Variants in SLC8B1 observed in about 807,000 individuals in gnomAD.
SLC8B1 encodes the protein solute carrier family 8 member B1.
A neutral mutation model predicts 63.4 loss-of-function variants in SLC8B1; 52 were observed. The observed-to-expected ratio is 0.82, with a 90% CI of 0.66 to 1.03. The LOEUF (loss-of-function observed/expected upper bound fraction) is 1.03. SLC8B1 is among the 50% of genes least tolerant of loss of function. The pLI is 0.00. For synonymous variants in SLC8B1, 336 were observed against 323.9 expected (o/e 1.04, Z -0.40); for missense variants, 657 against 741.7 (o/e 0.89, Z 1.33).
chr12:113,320,642 G>A lies in SLC8B1; in HGVS notation c.465C>T (p.Phe155=), dbSNP rs765633623. 6.2e-7 allele frequency: 1 copy of A among 1,614,086 alleles called. No individual in the cohort carries two copies. The highest frequency in any genetic ancestry group is 1.1e-5 in the South Asian group (1 of 91,088). ...GGTCAGAGAAGGCCACCAGGGCACT[G>A]AAGATGTCAGGTGCACCATTCCCAA... ...LAFGNGAPDI[F]SALVAFSDPH... Residue 155 remains phenylalanine (F), a synonymous_variant, in exon 6 of 16, where the codon TTC becomes TTT. Transcript: ENST00000680972. This position sits in a 1 kb window ranked among gnomAD's most constrained non-coding sequence, Gnocchi z 5.3.
chr12:113,322,218 C>T (rs1271770702), intron 2 of SLC8B1, among the ~76,000 whole-genome samples: 5 of 152,098 alleles, frequency 3.3e-5, no homozygotes, highest in African/African-American at 1.2e-4. Context: ...CTCTGCACAA[C>T]AGTCTGCGAG....
chr12:113,327,100 C>G (rs1593259919), intron 2 of SLC8B1, among the ~76,000 whole-genome samples: 1 of 152,042 alleles, frequency 6.6e-6, no homozygotes, highest in East Asian at 1.9e-4. Context: ...TGCTGGGGCC[C>G]AGGAATTTCC....
intron 1 of SLC8B1, among the ~76,000 whole-genome samples, chr12:113,333,762 G>A (rs1957090162): frequency 6.6e-6 from 1 of 152,148 alleles, no homozygotes; most frequent in Non-Finnish European, 1.5e-5. Flanking sequence ...AAGCTGGAGT[G>A]CAGTGGCGCG....
At chr12:113,322,115 C>G (rs769341129) in intron 2 of SLC8B1, among the ~76,000 whole-genome samples, 1 of 151,948 alleles carries the variant, frequency 6.6e-6, no homozygotes, top group Non-Finnish European at 1.5e-5. Context: ...GGAGGATCAC[C>G]TGAGCCCAGG....
intron 15 of SLC8B1, among the ~76,000 whole-genome samples, 153 bp downstream of exon 15, chr12:113,304,168 C>A (rs149965832): frequency 1.3e-5 from 2 of 152,172 alleles, no homozygotes; most frequent in Non-Finnish European, 2.9e-5. Flanking sequence ...GCATGAGCTA[C>A]CACACCCGGC....
chr12:113,326,599 C>T (rs1404368683), intron 2 of SLC8B1, among the ~76,000 whole-genome samples: 7 of 151,454 alleles, frequency 4.6e-5, no homozygotes, highest in African/African-American at 1.7e-4. Flanking sequence ...AACTCCTGGC[C>T]TCAAGTGATC....
At chr12:113,303,425 G>A (rs1200200884) in intron 15 of SLC8B1, among the ~76,000 whole-genome samples, 1 of 152,092 alleles carries the variant, frequency 6.6e-6, no homozygotes. Context: ...GGAGAAACGG[G>A]TGACTTTATT....
rs1957075045 is a variant in SLC8B1, at chr12:113,332,857, G to A, written c.22C>T (p.Leu8=). 3 of 1,613,970 alleles carry A rather than the reference G, an allele frequency of 1.9e-6. No homozygotes were observed. Among genetic ancestry groups the A allele is most frequent in the African/African-American group, 1.3e-5 (1 of 74,954 alleles). ...CAAAGCACACTCAGTGCCCAGCGCA[G>A]ATTCAGCCTTCTGCCGGCCATCTGC... MAGRRLN[L]RWALSVLCVL... Residue 8 remains leucine (L), a synonymous_variant, in exon 2 of 16, where the codon CTG becomes TTG. Coordinates refer to ENST00000680972, the MANE Select transcript of SLC8B1 (RefSeq NM_001358345.2).
chr12:113,324,475 C>T (rs1027136540), intron 2 of SLC8B1, among the ~76,000 whole-genome samples: 6 of 144,730 alleles, frequency 4.1e-5, no homozygotes, highest in African/African-American at 1.0e-4. Context: ...AGCACAATCT[C>T]GGCTCACTGA....
At position 113,307,817 on chromosome 12, in the gene SLC8B1, T is replaced by TG. The variant is rs1566226901; in HGVS notation, c.1284dup (p.Ser429GlnfsTer147). ...GCGGCCGCGTTGATCCACAGGGCGCTGGTCAGAAAGCCCAGGAAAGCAAAG... is the reference window on the plus strand; with the variant it reads ...GCGGCCGCGTTGATCCACAGGGCGCTGGGTCAGAAAGCCCAGGAAAGCAAAG... On this transcript the variant is annotated frameshift_variant, in exon 13 of 16. Coordinates refer to ENST00000680972, the MANE Select transcript of SLC8B1 (RefSeq NM_001358345.2). LOFTEE classifies it high-confidence loss of function. 1 of 1,613,294 alleles carries TG rather than the reference T, an allele frequency of 6.2e-7. No individual in the cohort carries two copies. Among genetic ancestry groups the TG allele is most frequent in the Non-Finnish European group, 8.5e-7 (1 of 1,180,010 alleles).
intron 12 of SLC8B1, among the ~76,000 whole-genome samples, 178 bp downstream of exon 12, chr12:113,310,056 A>G (rs1192694009): frequency 6.6e-6 from 1 of 152,174 alleles, no homozygotes. Context: ...CAAAAAAAAA[A>G]AGAAAAAAAC....
chr12:113,318,390 ATGTATTTG>A lies in SLC8B1; in HGVS notation c.802+566_802+573del, dbSNP rs531796817. Among the ~76,000 whole-genome samples the A allele has an allele frequency of 1.4e-3, 208 of 150,570 alleles. 2 individuals are homozygous for A. Among genetic ancestry groups the A allele is most frequent in the African/African-American group, 4.8e-3 (195 of 40,910 alleles). ...TGTTGTGTGTGTTGTATATGTGTGC[ATGTATTTG>A]TGTGTGTGCATATATTTGTATGTGT... On this transcript the variant is annotated intron_variant, in intron 8 of 15. Coordinates refer to ENST00000680972, the MANE Select transcript of SLC8B1 (RefSeq NM_001358345.2).
chr12:113,325,314 G>A (rs1035782709), intron 2 of SLC8B1, among the ~76,000 whole-genome samples: 3 of 152,096 alleles, frequency 2.0e-5, no homozygotes, highest in African/African-American at 7.2e-5. Flanking sequence ...AGTGCAGTGG[G>A]GCAATCATGG....
At chr12:113,309,841 G>A (rs1051984341) in intron 12 of SLC8B1, among the ~76,000 whole-genome samples, 8 of 152,040 alleles carry the variant, frequency 5.3e-5, no homozygotes, top group African/African-American at 7.2e-5. Context: ...GAGTAGAGTC[G>A]TGGTTGCCAG....
Position 113,321,122 on chromosome 12 carries a change from G to A in SLC8B1, c.310-14C>T, listed in dbSNP as rs760685880. The A allele has an allele frequency of 3.2e-5, 52 of 1,613,824 alleles. No individual in the cohort carries two copies. The highest frequency in any genetic ancestry group is 1.5e-4 in the Admixed American group (9 of 59,980). On this transcript the variant is annotated splice_polypyrimidine_tract_variant and intron_variant, in intron 3 of 15. Transcript: ENST00000680972. ...CAGCCAGGAAACCTGGGTGGGGAGCGGGCGAGGAAGGGAGAGTCAAGTCCA... is the reference window on the plus strand; with the variant it reads ...CAGCCAGGAAACCTGGGTGGGGAGCAGGCGAGGAAGGGAGAGTCAAGTCCA...
chr12:113,321,031 G>A, intron 4 of SLC8B1, 25 bp downstream of exon 4: 1 of 1,606,922 alleles, frequency 6.2e-7, no homozygotes, highest in Non-Finnish European at 8.5e-7. Context: ...TGATAAGCCA[G>A]ACCGGAGCCC....
At chr12:113,333,282 G>C (rs1215711190) in intron 1 of SLC8B1, among the ~76,000 whole-genome samples, 1 of 151,984 alleles carries the variant, frequency 6.6e-6, no homozygotes, top group Admixed American at 6.5e-5. Flanking sequence ...GGCTTCTGGG[G>C]CAGGTGGGTG....
At chr12:113,317,833 T>C (rs919172132) in intron 8 of SLC8B1, among the ~76,000 whole-genome samples, 1 of 150,976 alleles carries the variant, frequency 6.6e-6, no homozygotes, top group African/African-American at 2.4e-5. Context: ...GTGTATTGTG[T>C]ATGTGAGTGC....
chr12:113,307,221 A>G (rs1264371199), intron 13 of SLC8B1, among the ~76,000 whole-genome samples: 2 of 149,550 alleles, frequency 1.3e-5, no homozygotes, highest in African/African-American at 4.9e-5. Flanking sequence ...GAATAAGAAG[A>G]AGGTGCTCAA....
Sources: allele counts gnomAD v4.1 joint callset (sites outside exome capture counted in the v4.1 genomes callset), GRCh38; gene constraint gnomAD v4.1.1; non-coding constraint Gnocchi (gnomAD v3.1); transcripts MANE v1.5; gene names NCBI Gene and HGNC (gene_info 2026-07-23, HGNC 2026-07-21).